Variants in SYK observed in about 807,000 individuals in gnomAD.
SYK encodes the protein spleen associated tyrosine kinase, also known as tyrosine-protein kinase SYK.
Under a neutral mutation model 77.8 loss-of-function variants are expected in SYK, and 16 were observed. The observed-to-expected ratio is 0.21, with a 90% CI of 0.14 to 0.31. SYK has a LOEUF of 0.31. Among genes scored for constraint, SYK ranks in the 10% least tolerant of loss-of-function variants. The probability of loss-of-function intolerance (pLI) is 1.00; values close to 1 mark genes in which losing one functional copy is unlikely to be tolerated. For missense variants in SYK, 529 were observed against 814.4 expected (o/e 0.65, Z 4.26); for synonymous variants, 312 against 308.7 (o/e 1.01, Z -0.11).
At position 90,815,882 on chromosome 9, in the gene SYK, T is replaced by G. The variant is rs548511859; in HGVS notation, c.-42+13989T>G. ...CCCAGAACCTTCCACATAGAGGTGATAATTCTAGATAATTCTAGAGCAACT... is the reference window on the plus strand; with the variant it reads ...CCCAGAACCTTCCACATAGAGGTGAGAATTCTAGATAATTCTAGAGCAACT... On this transcript the variant is annotated intron_variant, in intron 1 of 13. Coordinates refer to ENST00000375754, the MANE Select transcript of SYK (RefSeq NM_003177.7). Among the ~76,000 whole-genome samples the G allele has an allele frequency of 6.6e-5, 10 of 152,306 alleles. No individual in the cohort carries two copies. The East Asian group carries it at 1.7e-3, about 26-fold the overall frequency.
At chr9:90,889,894 C>T (rs1199813755) in intron 13 of SYK, among the ~76,000 whole-genome samples, 1 of 152,236 alleles carries the variant, frequency 6.6e-6, no homozygotes, top group Non-Finnish European at 1.5e-5. Flanking sequence ...GCACTGGACC[C>T]TGGGGAGGGC....
intron 3 of SYK, among the ~76,000 whole-genome samples, chr9:90,846,903 G>C (rs1473257589): frequency 4.6e-5 from 7 of 152,220 alleles, no homozygotes; most frequent in Non-Finnish European, 8.8e-5. Context: ...TTTCCAACAT[G>C]AATGTCATGG....
At chr9:90,840,306 C>A (rs1826247714) in intron 1 of SYK, among the ~76,000 whole-genome samples, 1 of 152,036 alleles carries the variant, frequency 6.6e-6, no homozygotes, top group South Asian at 2.1e-4. Context: ...TCAGAGCCCC[C>A]AGGCCACGTG....
At chr9:90,875,512 A>G (rs1415095481) in intron 9 of SYK, among the ~76,000 whole-genome samples, 1 of 152,172 alleles carries the variant, frequency 6.6e-6, no homozygotes, top group African/African-American at 2.4e-5. Flanking sequence ...CTTATTGTAT[A>G]TATTTTTAGA....
chr9:90,830,581 C>CTTTTTT (rs57804863), intron 1 of SYK, among the ~76,000 whole-genome samples: 6 of 111,576 alleles, frequency 5.4e-5, no homozygotes, highest in Non-Finnish European at 6.9e-5. Flanking sequence ...ACTCATTCCT[C>CTTTTTT]TTTTTTTTTT....
intron 1 of SYK, among the ~76,000 whole-genome samples, chr9:90,803,473 A>G (rs1824688601): frequency 6.6e-6 from 1 of 152,182 alleles, no homozygotes; most frequent in South Asian, 2.1e-4. Flanking sequence ...TTAAGCTAGG[A>G]TAAAAATGGG....
intron 1 of SYK, among the ~76,000 whole-genome samples, chr9:90,813,347 G>A (rs3789893): frequency 0.13 from 19,382 of 151,842 alleles, 1,179 homozygotes; most frequent in East Asian, 0.17. Context: ...TGCCATACTC[G>A]CCCAGAAGGG....
At position 90,869,217 on chromosome 9, in the gene SYK, CAG is replaced by C. The variant is rs888572312; in HGVS notation, c.915+2020_915+2021del. On this transcript the variant is annotated intron_variant, in intron 7 of 13. Coordinates refer to ENST00000375754, the MANE Select transcript of SYK (RefSeq NM_003177.7). The stretch of plus-strand genomic sequence containing the variant: ...GAAATTTTAATCAATTTTTTTAAAA[CAG>C]AAAATTAAATAGTAGAGAGTAATTA... Among the ~76,000 whole-genome samples the C allele has an allele frequency of 5.9e-5, 9 of 151,498 alleles. No individual in the cohort carries two copies. The South Asian group carries it at 8.3e-4, about 14-fold the overall frequency.
intron 1 of SYK, among the ~76,000 whole-genome samples, chr9:90,841,602 T>C (rs909919517): frequency 6.7e-5 from 10 of 150,012 alleles, no homozygotes; most frequent in African/African-American, 2.5e-4. Flanking sequence ...GTGTGGTGTG[T>C]TTCGTGTGTG....
intron 4 of SYK, among the ~76,000 whole-genome samples, chr9:90,863,361 G>A (rs1827348825): frequency 1.3e-5 from 2 of 152,154 alleles, no homozygotes; most frequent in Non-Finnish European, 2.9e-5. Context: ...AAGCCCAGCT[G>A]GGGCCACACA....
chr9:90,882,420 C>G (rs1239256346), intron 11 of SYK, among the ~76,000 whole-genome samples: 1 of 152,198 alleles, frequency 6.6e-6, no homozygotes, highest in Non-Finnish European at 1.5e-5. Flanking sequence ...TCACTGAAAT[C>G]ATGTCCCCCT....
chr9:90,885,128 A>C (rs1215288364), intron 11 of SYK, among the ~76,000 whole-genome samples: 1 of 151,824 alleles, frequency 6.6e-6, no homozygotes, highest in African/African-American at 2.4e-5. Context: ...AAAAGCAAGG[A>C]AATATGATAC....
chr9:90,853,874 T>TAATAA (rs564880395), intron 3 of SYK, among the ~76,000 whole-genome samples: 121 of 151,254 alleles, frequency 8.0e-4, no homozygotes, highest in South Asian at 1.7e-3. Context: ...AGTATAATAA[T>TAATAA]AATAAAATAA....
chr9:90,830,882 G>A (rs1308794534), intron 1 of SYK, among the ~76,000 whole-genome samples: 1 of 152,078 alleles, frequency 6.6e-6, no homozygotes, highest in Non-Finnish European at 1.5e-5. Flanking sequence ...ACCACACCCG[G>A]CCTCCTCTTT....
chr9:90,843,145 G>C (rs193152336), intron 1 of SYK, among the ~76,000 whole-genome samples: 1 of 152,308 alleles, frequency 6.6e-6, no homozygotes, highest in African/African-American at 2.4e-5. Context: ...GAAGCGGGGA[G>C]AAGACAGCCT....
intron 8 of SYK, 129 bp downstream of exon 8, chr9:90,874,420 C>G (rs1827850817): frequency 2.0e-6 from 2 of 1,002,524 alleles, no homozygotes; most frequent in Non-Finnish European, 3.1e-6. Flanking sequence ...GCCATGGAAA[C>G]ACTCACATCT....
intron 9 of SYK, 60 bp downstream of exon 9, chr9:90,874,909 G>A: frequency 6.4e-7 from 1 of 1,574,074 alleles, no homozygotes; most frequent in Admixed American, 1.8e-5. Context: ...AGACATGACT[G>A]AGAATAACAA....
intron 7 of SYK, among the ~76,000 whole-genome samples, chr9:90,869,425 T>A (rs1827641824): frequency 6.6e-6 from 1 of 152,206 alleles, no homozygotes; most frequent in Admixed American, 6.5e-5. Context: ...TTTTAAAAGA[T>A]CAAGGTTGTA....
chr9:90,863,918 C>A (rs1289361135), intron 4 of SYK, among the ~76,000 whole-genome samples: 7 of 152,188 alleles, frequency 4.6e-5, no homozygotes. Context: ...AATGTCCTTC[C>A]CAAGAATCTT....
Sources: allele counts gnomAD v4.1 joint callset (sites outside exome capture counted in the v4.1 genomes callset), GRCh38; gene constraint gnomAD v4.1.1; transcripts MANE v1.5; gene names NCBI Gene and HGNC (gene_info 2026-07-23, HGNC 2026-07-21).